ATL1: variants seen among roughly 807,000 people sequenced by gnomAD.
ATL1 encodes atlastin-1.
Under a neutral mutation model 75.5 loss-of-function variants are expected in ATL1, and 31 were observed. The ratio of observed to expected loss-of-function variants is 0.41; its 90% CI spans 0.31 to 0.55. ATL1 has a LOEUF of 0.55. Ranked by LOEUF, ATL1 falls within the 20% of genes least tolerant of loss-of-function variation. The pLI is 0.27. For synonymous variants in ATL1, 226 were observed against 233.3 expected (o/e 0.97, Z 0.28); for missense variants, 405 against 662.6 (o/e 0.61, Z 4.27).
At chr14:50,577,297 C>T (rs963983806) in intron 1 of ATL1, among the ~76,000 whole-genome samples, 24 of 151,976 alleles carry the variant, frequency 1.6e-4, no homozygotes, top group Non-Finnish European at 1.5e-5. Context: ...CTCCTGACTT[C>T]GTGATCTGCC....
chr14:50,593,754 G>T, intron 4 of ATL1, 92 bp from the exon 5 acceptor site: 2 of 818,032 alleles, frequency 2.4e-6, no homozygotes, highest in Non-Finnish European at 4.2e-6. Context: ...CCATTTTGTG[G>T]TAACTGATAT....
intron 6 of ATL1, among the ~76,000 whole-genome samples, chr14:50,598,778 T>C (rs572920107): frequency 7.2e-5 from 11 of 152,292 alleles, no homozygotes; most frequent in Non-Finnish European, 1.5e-4. Flanking sequence ...TCAGTGGAAC[T>C]AAACAGTTTA....
At chr14:50,627,918 G>C (rs1374986988) in intron 11 of ATL1, 113 bp from the exon 12 acceptor site, 3 of 971,886 alleles carry the variant, frequency 3.1e-6, no homozygotes, top group South Asian at 2.8e-5. Flanking sequence ...ATATATGCAG[G>C]CTCCTGATTA....
In ATL1 at chr14:50,588,013, G is replaced by A. The variant is rs1416275162; in HGVS notation, c.217G>A (p.Ala73Thr). Residue 73 changes from alanine to threonine, a missense_variant, in exon 2 of 14, where the codon GCT becomes ACT. Ala to Thr is a moderately conservative substitution (Grantham distance 58, BLOSUM62 0). Transcript: ENST00000358385. ...RDKEVVAVSVAGAFRKGKSFL... is the reference protein window; with the variant it reads ...RDKEVVAVSVTGAFRKGKSFL... ...CAAGGAGGTTGTTGCTGTATCTGTT[G>A]CTGGAGCATTTAGAAAAGGAAAATC... 6.2e-7 allele frequency: 1 copy of A among 1,614,166 alleles called. No homozygotes were observed.
intron 6 of ATL1, among the ~76,000 whole-genome samples, chr14:50,610,273 G>A (rs898691822): frequency 1.3e-5 from 2 of 151,688 alleles, no homozygotes; most frequent in Admixed American, 1.3e-4. Flanking sequence ...TAAAGTTATT[G>A]AACTTTTAAG....
intron 1 of ATL1, chr14:50,542,596 A>G (rs2038579505): frequency 6.6e-6 from 1 of 152,264 alleles, no homozygotes; most frequent in South Asian, 2.1e-4. Context: ...TGGAAGACAC[A>G]AGTAAATCAT....
chr14:50,573,794 G>A (rs528739908), intron 1 of ATL1, among the ~76,000 whole-genome samples: 6 of 152,086 alleles, frequency 3.9e-5, no homozygotes, highest in Admixed American at 1.3e-4. Flanking sequence ...CTTCTGTTCT[G>A]TTATTTTGCT....
At chr14:50,574,738 G>A (rs2038984891) in intron 1 of ATL1, among the ~76,000 whole-genome samples, 1 of 151,472 alleles carries the variant, frequency 6.6e-6, no homozygotes, top group Admixed American at 6.6e-5. Context: ...GTATAATAGA[G>A]CTGTGAAATA....
At chr14:50,555,758 C>T (rs1024922643), upstream of ATL1, among the ~76,000 whole-genome samples, 1 of 152,200 alleles carries the variant, frequency 6.6e-6, no homozygotes, top group African/African-American at 2.4e-5. Context: ...AACTGACCAC[C>T]ATAGAACCAG....
Position 50,632,264 on chromosome 14 carries a change from C to T in ATL1, c.1602C>T (p.His534=). Residue 534 remains histidine (H), a synonymous_variant, in exon 14 of 14, where the codon CAC becomes CAT. Coordinates refer to ENST00000358385, the MANE Select transcript of ATL1 (RefSeq NM_015915.5). ...AGCTTTACAGTGCAGCAGCAACCCA[C>T]AGACATCTGTATCATCAAGCTTTCC... ...LYKLYSAAAT[H]RHLYHQAFPT... The T allele has an allele frequency of 1.2e-6, 2 of 1,612,766 alleles. No individual in the cohort carries two copies. The highest frequency in any genetic ancestry group is 1.7e-6 in the Non-Finnish European group (2 of 1,179,352).
chr14:50,626,837 ACT>A (rs1319407430), intron 11 of ATL1, among the ~76,000 whole-genome samples: 9 of 152,152 alleles, frequency 5.9e-5, no homozygotes, highest in Non-Finnish European at 1.0e-4. Context: ...GCTATTGAAC[ACT>A]GTCTTATTTC....
chr14:50,586,167 T>C (rs1410742991), intron 1 of ATL1, among the ~76,000 whole-genome samples: 1 of 152,200 alleles, frequency 6.6e-6, no homozygotes, highest in African/African-American at 2.4e-5. Flanking sequence ...TACCTAAAGA[T>C]ATTTTCAAAA....
At chr14:50,534,919 T>C (rs2038473604) in intron 1 of ATL1, among the ~76,000 whole-genome samples, 1 of 152,240 alleles carries the variant, frequency 6.6e-6, no homozygotes. Context: ...TCCTAGACAA[T>C]TAAGCAAACA....
chr14:50,562,794 A>G (rs1054844617), intron 1 of ATL1, among the ~76,000 whole-genome samples: 1 of 152,246 alleles, frequency 6.6e-6, no homozygotes, highest in Non-Finnish European at 1.5e-5. Flanking sequence ...TTAAGTACAT[A>G]TGACATAAAT....
chr14:50,629,062 C>A (rs8014572), intron 12 of ATL1, among the ~76,000 whole-genome samples: 35,256 of 152,108 alleles, frequency 0.23, 5,612 homozygotes, highest in African/African-American at 0.46. Flanking sequence ...TTGTAAGAGA[C>A]AACAGCTTTT....
At chr14:50,595,712 T>C (rs951327284) in intron 6 of ATL1, 80 bp downstream of exon 6, 3 of 1,296,104 alleles carry the variant, frequency 2.3e-6, no homozygotes, top group Admixed American at 1.7e-5. Context: ...TAGGGTCATG[T>C]TTCCTTCTCT....
intron 8 of ATL1, 22 bp downstream of exon 8, chr14:50,614,533 TG>T: frequency 6.2e-7 from 1 of 1,612,086 alleles, no homozygotes; most frequent in Non-Finnish European, 8.5e-7. Context: ...TTAATGAATA[TG>T]TTTGCATCAC....
rs2140243157 is a variant in ATL1 at position 50,632,347 on chromosome 14, T to G, written c.*8T>G. 1.9e-6 allele frequency: 3 copies of G among 1,565,694 alleles called. No homozygotes were observed. In the East Asian group the frequency reaches 6.7e-5, roughly 35 times the overall value. On this transcript the variant is annotated 3_prime_UTR_variant, in exon 14 of 14. Coordinates refer to ENST00000358385, the MANE Select transcript of ATL1 (RefSeq NM_015915.5). ...GAAAAGAAAAAAATGTAATGCAAAT[T>G]TTAAGAAATACAGGTGCATGACCAA...
chr14:50,543,841 A>C (rs2038595726), intron 1 of ATL1, among the ~76,000 whole-genome samples: 1 of 152,118 alleles, frequency 6.6e-6, no homozygotes, highest in South Asian at 2.1e-4. Context: ...TTGTCCCTAT[A>C]GGATTGGACT....
Sources: allele counts gnomAD v4.1 joint callset (sites outside exome capture counted in the v4.1 genomes callset), GRCh38; gene constraint gnomAD v4.1.1; transcripts MANE v1.5; gene names NCBI Gene and HGNC (gene_info 2026-07-23, HGNC 2026-07-21).